The following TYR variants were observed in gnomAD, a reference collection of about 807,000 sequenced individuals.
The protein encoded by TYR is tyrosinase.
A neutral mutation model predicts 51.5 loss-of-function variants in TYR; 58 were observed. That is an observed-to-expected ratio of 1.13 (90% CI 0.91 to 1.40). The LOEUF is 1.40. Among genes scored for constraint, TYR ranks in the 40% most tolerant of loss-of-function variants. TYR has a pLI of 0.00. For synonymous variants in TYR, 263 were observed against 235.2 expected (o/e 1.12, Z -1.08); for missense variants, 732 against 647.4 (o/e 1.13, Z -1.42).
At chr11:89,190,745 C>T (rs1943431626) in intron 1 of TYR, among the ~76,000 whole-genome samples, 1 of 152,022 alleles carries the variant, frequency 6.6e-6, no homozygotes, top group Non-Finnish European at 1.5e-5. Flanking sequence ...AACTTCTAGT[C>T]CTGCAAGGTC....
chr11:89,205,581 C>T (rs1943662350), intron 2 of TYR, among the ~76,000 whole-genome samples: 1 of 152,006 alleles, frequency 6.6e-6, no homozygotes, highest in African/African-American at 2.4e-5. Flanking sequence ...GAAGGTGGCA[C>T]TGCATTTTTC....
chr11:89,209,401 T>C (rs537344186), intron 2 of TYR, among the ~76,000 whole-genome samples: 2 of 152,270 alleles, frequency 1.3e-5, no homozygotes, highest in South Asian at 2.1e-4. Flanking sequence ...GCATCCACCA[T>C]TGCTGAGGCT....
At chr11:89,205,068 GAT>G (rs1943654272) in intron 2 of TYR, among the ~76,000 whole-genome samples, 1 of 151,948 alleles carries the variant, frequency 6.6e-6, no homozygotes, top group Admixed American at 6.6e-5. Flanking sequence ...GAAAATGGAA[GAT>G]ATCACAAAGA....
intron 2 of TYR, among the ~76,000 whole-genome samples, chr11:89,195,669 C>T (rs1943508474): frequency 6.6e-6 from 1 of 151,258 alleles, no homozygotes; most frequent in Non-Finnish European, 1.5e-5. Flanking sequence ...AGACTCTTCC[C>T]ATAAATAAAT....
chr11:89,237,966 G>T (rs12365043), intron 3 of TYR, among the ~76,000 whole-genome samples: 91 of 151,834 alleles, frequency 6.0e-4, no homozygotes, highest in African/African-American at 2.0e-3. Context: ...CTCCTGAGTT[G>T]CTGGGATTAC....
intron 3 of TYR, among the ~76,000 whole-genome samples, chr11:89,278,541 G>A (rs932797030): frequency 4.0e-5 from 6 of 151,388 alleles, no homozygotes; most frequent in African/African-American, 9.7e-5. Flanking sequence ...GTGTTACAAC[G>A]AATCAGTTCC....
chr11:89,234,418 T>C (rs1484334783), intron 3 of TYR, among the ~76,000 whole-genome samples: 1 of 144,070 alleles, frequency 6.9e-6, no homozygotes. Flanking sequence ...AGTAGCACTT[T>C]GCATTTCCTT....
chr11:89,209,888 G>A (rs1339033369), intron 2 of TYR, among the ~76,000 whole-genome samples: 2 of 152,094 alleles, frequency 1.3e-5, no homozygotes, highest in Non-Finnish European at 2.9e-5. Context: ...TCTGTTACAA[G>A]GAAAACTAAC....
intron 2 of TYR, among the ~76,000 whole-genome samples, chr11:89,206,763 T>C (rs903458826): frequency 2.0e-5 from 3 of 152,072 alleles, no homozygotes; most frequent in Non-Finnish European, 2.9e-5. Context: ...TTTAAAAAGA[T>C]TGGAATTATA....
At chr11:89,183,945 A>C (rs529435456) in intron 1 of TYR, among the ~76,000 whole-genome samples, 2 of 152,152 alleles carry the variant, frequency 1.3e-5, no homozygotes, top group African/African-American at 4.8e-5. Flanking sequence ...ATAGAAACGT[A>C]TAATTCCCAT....
In TYR at chr11:89,284,863, C is replaced by T. The variant is rs1590902378; in HGVS notation, c.1275C>T (p.Tyr425=). The part of the protein sequence containing the change: ...NAPIGHNRES[Y]MVPFIPLYRN... ...CCATTGGACATAACCGGGAATCCTA[C>T]ATGGTTCCTTTTATACCACTGTACA... The change falls in exon 4 of 5, where the codon TAC becomes TAT. Residue 425 remains tyrosine, a synonymous_variant. Coordinates refer to ENST00000263321, the MANE Select transcript of TYR (RefSeq NM_000372.5). 1 of 1,611,964 alleles carries T rather than the reference C, an allele frequency of 6.2e-7. No individual in the cohort carries two copies. Among genetic ancestry groups the T allele is most frequent in the African/African-American group, 1.3e-5 (1 of 74,902 alleles).
At chr11:89,270,965 G>T (rs1357407204) in intron 3 of TYR, among the ~76,000 whole-genome samples, 1 of 151,736 alleles carries the variant, frequency 6.6e-6, no homozygotes, top group Non-Finnish European at 1.5e-5. Flanking sequence ...TAACTGCAAT[G>T]CAATATGACA....
intron 3 of TYR, among the ~76,000 whole-genome samples, chr11:89,259,038 C>A (rs1232172684): frequency 6.6e-6 from 1 of 151,812 alleles, no homozygotes; most frequent in African/African-American, 2.4e-5. Context: ...TTTTTTAATA[C>A]CCATGTGCAA....
At chr11:89,229,010 A>T (rs555987740) in intron 3 of TYR, among the ~76,000 whole-genome samples, 4 of 152,218 alleles carry the variant, frequency 2.6e-5, no homozygotes, top group African/African-American at 9.6e-5. Context: ...CATTAAGATA[A>T]TACTATCATC....
At chr11:89,254,958 C>T (rs567474800) in intron 3 of TYR, among the ~76,000 whole-genome samples, 37 of 151,666 alleles carry the variant, frequency 2.4e-4, no homozygotes, top group Admixed American at 6.6e-4. Flanking sequence ...AGGTTGTAAA[C>T]CTTCCTCTTA....
At chr11:89,268,809 G>A (rs541253720) in intron 3 of TYR, among the ~76,000 whole-genome samples, 17 of 151,816 alleles carry the variant, frequency 1.1e-4, no homozygotes, top group South Asian at 1.0e-3. Context: ...TGTTGATCCC[G>A]CACTGCTCTA....
Position 89,233,687 on chromosome 11 carries a change from T to C in TYR, c.1184+5717T>C, listed in dbSNP as rs1429465183. 1.4e-5 allele frequency among the ~76,000 whole-genome samples: 2 copies of C among 142,738 alleles called. 1 individual carries two copies. Among genetic ancestry groups the C allele is most frequent in the East Asian group, 4.0e-4 (2 of 4,956 alleles). 93.6% of individuals were successfully genotyped at this position (142,738 alleles called of 152,430 possible). On this transcript the variant is annotated intron_variant, in intron 3 of 4. Transcript: ENST00000263321. Reference sequence around the variant, plus strand: ...CCTAGTATATCTTCCTCAGAGATTTTGGGTGACCAGGTATATTATAAATGA... The same window carrying C: ...CCTAGTATATCTTCCTCAGAGATTTCGGGTGACCAGGTATATTATAAATGA...
intron 3 of TYR, among the ~76,000 whole-genome samples, chr11:89,269,212 GA>G (rs1407424948): frequency 6.6e-6 from 1 of 151,930 alleles, no homozygotes; most frequent in African/African-American, 2.4e-5. Context: ...TCACAGGTAA[GA>G]GGGGTGAGGC....
intron 3 of TYR, among the ~76,000 whole-genome samples, chr11:89,276,018 T>C (rs1193516685): frequency 6.6e-6 from 1 of 151,936 alleles, no homozygotes; most frequent in Admixed American, 6.6e-5. Flanking sequence ...CTTTGTCATC[T>C]GGGTTAGATT....
Sources: gnomAD v4.1 joint callset for allele counts (sites outside exome capture counted in the v4.1 genomes callset) on GRCh38, gnomAD v4.1.1 for gene constraint, MANE v1.5 for transcripts, NCBI Gene and HGNC (gene_info 2026-07-23, HGNC 2026-07-21) for gene names.